PRTN3: variants seen among roughly 807,000 people sequenced by gnomAD.
PRTN3 encodes proteinase 3, also known as myeloblastin.
PRTN3 carries 22 observed loss-of-function variants against 20.7 expected under a neutral mutation model. The observed-to-expected ratio is 1.06, with a 90% CI of 0.76 to 1.52. PRTN3 has a LOEUF of 1.52. Ranked by LOEUF, PRTN3 falls within the 40% of genes most tolerant of loss-of-function variation. The pLI is 0.00. For missense variants in PRTN3, 378 were observed against 359.6 expected (o/e 1.05, Z -0.41); for synonymous variants, 173 against 152.9 (o/e 1.13, Z -0.97).
intron 4 of PRTN3, among the ~76,000 whole-genome samples, 164 bp downstream of exon 4, chr19:846,541 G>A (rs948997050): frequency 2.6e-5 from 4 of 151,520 alleles, no homozygotes; most frequent in African/African-American, 9.8e-5. Context: ...GCTCAGCGGG[G>A]TGGGGGCGCT....
chr19:841,970 G>A (rs981127315), intron 1 of PRTN3, among the ~76,000 whole-genome samples: 45 of 151,478 alleles, frequency 3.0e-4, no homozygotes, highest in Non-Finnish European at 5.9e-4. Flanking sequence ...TTCGTGATCC[G>A]CCTGCCTCAG....
chr19:842,701 C>A (rs937785424), intron 1 of PRTN3, among the ~76,000 whole-genome samples: 2 of 148,958 alleles, frequency 1.3e-5, no homozygotes, highest in East Asian at 2.0e-4. Flanking sequence ...GATTCTCCTG[C>A]GTCAACCTCC....
At chr19:845,339 G>T (rs1231398073) in intron 3 of PRTN3, among the ~76,000 whole-genome samples, 1 of 152,028 alleles carries the variant, frequency 6.6e-6, no homozygotes, top group Non-Finnish European at 1.5e-5. Flanking sequence ...AGCCCAGGAG[G>T]TTGAGGCTGC....
At position 846,379 on chromosome 19, in the gene PRTN3, T is replaced by G; in HGVS notation, c.600+2T>G. The G allele has an allele frequency of 6.5e-7, 1 of 1,550,334 alleles. No individual in the cohort carries two copies. The highest frequency in any genetic ancestry group is 2.0e-5 in the Admixed American group (1 of 50,344). ...CGCCGCAAGGCCGGCATCTGCTTCG[T>G]AAGTAACCGTGCCCCCACCCCGGGC... On this transcript the variant is annotated splice_donor_variant, in intron 4 of 4. Transcript: ENST00000234347. LOFTEE classifies it high-confidence loss of function.
intron 3 of PRTN3, among the ~76,000 whole-genome samples, chr19:844,665 G>A (rs1194220908): frequency 6.6e-6 from 1 of 150,704 alleles, no homozygotes. Flanking sequence ...CCACTGAACC[G>A]CGTGCTCCTC....
chr19:845,914 A>T (rs1040171943), intron 3 of PRTN3, among the ~76,000 whole-genome samples: 9 of 152,046 alleles, frequency 5.9e-5, no homozygotes, highest in Admixed American at 2.0e-4. Context: ...ACGCCACTGC[A>T]TTCCAGCCTG....
intron 2 of PRTN3, 34 bp downstream of exon 2, chr19:843,660 C>A: frequency 6.5e-7 from 1 of 1,544,032 alleles, no homozygotes; most frequent in Non-Finnish European, 8.7e-7. Context: ...TGTCCGCCCG[C>A]CCCGCCCTCT....
rs904620749 is a variant in PRTN3, at chr19:843,557, G to C, written c.158G>C (p.Ser53Thr). 6.2e-7 allele frequency: 1 copy of C among 1,601,790 alleles called. No homozygotes were observed. The highest frequency in any genetic ancestry group is 1.3e-5 in the African/African-American group (1 of 74,804). Residue 53 changes from serine (S) to threonine (T), a missense_variant, in exon 2 of 5, where the codon AGC (serine) becomes ACC (threonine). Coordinates refer to ENST00000234347, the MANE Select transcript of PRTN3 (RefSeq NM_002777.4). ...CTGCAGATGCGGGGGAACCCGGGCA[G>C]CCACTTCTGCGGAGGCACCTTGATC... ...ASLQMRGNPG[S>T]HFCGGTLIHP...
chr19:843,654 C>T (rs1343907816), intron 2 of PRTN3, 28 bp downstream of exon 2: 36 of 1,516,762 alleles, frequency 2.4e-5, no homozygotes, highest in Non-Finnish European at 3.1e-5. Flanking sequence ...CACCCCTGTC[C>T]GCCCGCCCCG....
At chr19:843,848 G>A (rs2035478222) in intron 2 of PRTN3, 45 bp from the exon 3 acceptor site, 1 of 1,540,810 alleles carries the variant, frequency 6.5e-7, no homozygotes, top group Non-Finnish European at 8.7e-7. Context: ...TGTGGGCGGC[G>A]GCGAGTGTCC....
chr19:841,133 A>T, intron 1 of PRTN3, 64 bp downstream of exon 1: 1 of 1,565,622 alleles, frequency 6.4e-7, no homozygotes. Flanking sequence ...GGAAATATCC[A>T]CCACGAGGTC....
Position 843,940 on chromosome 19 carries a change from C to T in PRTN3, c.275C>T (p.Thr92Met), listed in dbSNP as rs2035480089. ...NVVLGAHNVR[T>M]QEPTQQHFSV... ...GTGCTCGGAGCCCACAACGTGCGGA[C>T]GCAGGAGCCCACCCAGCAGCACTTC... The change falls in exon 3 of 5, where the codon ACG becomes ATG. Residue 92 changes from threonine to methionine, a missense_variant. Transcript: ENST00000234347. 1.3e-6 allele frequency: 2 copies of T among 1,599,768 alleles called. No individual in the cohort carries two copies. Among genetic ancestry groups the T allele is most frequent in the South Asian group, 1.1e-5 (1 of 87,980 alleles).
Position 847,804 on chromosome 19 carries a change from C to G in PRTN3, c.606C>G (p.Asp202Glu), listed in dbSNP as rs1399022825. The G allele has an allele frequency of 1.2e-6, 2 of 1,607,546 alleles. No homozygotes were observed. The highest frequency in any genetic ancestry group is 3.4e-5 in the Admixed American group (2 of 59,392). Reference protein sequence around the residue: ...PRRKAGICFGDSGGPLICDGI... With the variant: ...PRRKAGICFGESGGPLICDGI... Reference sequence around the variant, plus strand: ...TGGCCGTCCCTGTCCTCCAGGGAGACTCAGGTGGCCCCCTGATCTGTGATG... The same window carrying G: ...TGGCCGTCCCTGTCCTCCAGGGAGAGTCAGGTGGCCCCCTGATCTGTGATG... The change falls in exon 5 of 5, where the codon GAC becomes GAG. Residue 202 changes from aspartate to glutamate, a missense_variant. Physicochemically the swap from Asp to Glu is conservative, Grantham distance 45 (BLOSUM62 2). Coordinates refer to ENST00000234347, the MANE Select transcript of PRTN3 (RefSeq NM_002777.4).
intron 3 of PRTN3, 29 bp from the exon 4 acceptor site, chr19:846,118 G>A (rs774313235): frequency 5.7e-6 from 8 of 1,398,208 alleles, no homozygotes; most frequent in East Asian, 2.8e-5. Flanking sequence ...TGGAAGCAGC[G>A]TCTCACCGCC....
chr19:842,068 C>A (rs187045708), intron 1 of PRTN3, among the ~76,000 whole-genome samples: 200 of 151,904 alleles, frequency 1.3e-3, no homozygotes, highest in African/African-American at 4.7e-3. Context: ...CTCTGTCGCC[C>A]AGGCTGGAGT....
chr19:846,675 T>C (rs1474128904), intron 4 of PRTN3, among the ~76,000 whole-genome samples: 3 of 152,168 alleles, frequency 2.0e-5, no homozygotes, highest in Non-Finnish European at 4.4e-5. Context: ...AATCCAGGAC[T>C]CCAGGTATCC....
intron 3 of PRTN3, among the ~76,000 whole-genome samples, chr19:845,229 A>G (rs553287269): frequency 1.3e-5 from 2 of 151,858 alleles, no homozygotes; most frequent in Admixed American, 6.6e-5. Context: ...ATTATAGGAG[A>G]GAGCCACCGC....
At chr19:841,174 A>G in intron 1 of PRTN3, 105 bp downstream of exon 1, 1 of 1,429,634 alleles carries the variant, frequency 7.0e-7, no homozygotes, top group Non-Finnish European at 9.5e-7. Context: ...CAGCTGGGGA[A>G]ACTGAGGCAG....
intron 3 of PRTN3, among the ~76,000 whole-genome samples, chr19:845,496 C>A (rs913400750): frequency 1.3e-5 from 2 of 151,832 alleles, no homozygotes. Context: ...GGGCGGATCG[C>A]CTGAGGTCAG....
Sources: gnomAD v4.1 joint callset for allele counts (sites outside exome capture counted in the v4.1 genomes callset) on GRCh38, gnomAD v4.1.1 for gene constraint, MANE v1.5 for transcripts, NCBI Gene and HGNC (gene_info 2026-07-23, HGNC 2026-07-21) for gene names.